The following RAB11FIP3 variants were observed in gnomAD, a reference collection of about 807,000 sequenced individuals.
RAB11FIP3 encodes rab11 family-interacting protein 3.
Under a neutral mutation model 77.8 loss-of-function variants are expected in RAB11FIP3, and 17 were observed. That is an observed-to-expected ratio of 0.22 (90% CI 0.15 to 0.33). The LOEUF (loss-of-function observed/expected upper bound fraction) is 0.33. RAB11FIP3 is among the 10% of genes least tolerant of loss of function. The pLI is 1.00. For synonymous variants in RAB11FIP3, 437 were observed against 448.2 expected, an observed-to-expected ratio of 0.98 and a Z score of 0.31; for missense variants, 1,005 against 1,011.2, an observed-to-expected ratio of 0.99 and a Z score of 0.08.
intron 5 of RAB11FIP3, among the ~76,000 whole-genome samples, chr16:493,303 T>G (rs930286173): frequency 1.3e-5 from 2 of 149,896 alleles, no homozygotes; most frequent in African/African-American, 4.9e-5. Flanking sequence ...TGCTATTCAA[T>G]TCAACACAAT....
Position 509,919 on chromosome 16 carries a change from G to A in RAB11FIP3, c.1500-741G>A, listed in dbSNP as rs1162106643. Among the ~76,000 whole-genome samples, 3 of 152,224 alleles carry A rather than the reference G, an allele frequency of 2.0e-5. No individual in the cohort carries two copies. In the East Asian group the frequency reaches 5.8e-4, roughly 29 times the overall value. ...TGTACTGCAGCTGAAGGCAGACTCC[G>A]CCAGCACACTCAGTTCTCTGGTGTT... On this transcript the variant is annotated intron_variant, in intron 8 of 13. Coordinates refer to ENST00000262305, the MANE Select transcript of RAB11FIP3 (RefSeq NM_014700.4).
rs2055818883 is a variant in RAB11FIP3, at chr16:472,031, C to T, written c.903+642C>T. 2.0e-5 allele frequency among the ~76,000 whole-genome samples: 3 copies of T among 152,166 alleles called. No homozygotes were observed. The highest frequency in any genetic ancestry group is 4.4e-5 in the Non-Finnish European group (3 of 68,018). ...CCGCCGGGAAGGTGGAGGTGGCAGC[C>T]GCCAGTCCTGGTCAGCCTGCTGCCG... On this transcript the variant is annotated intron_variant, in intron 3 of 13. Transcript: ENST00000262305. This position sits in a 1 kb window ranked among gnomAD's most constrained non-coding sequence, Gnocchi z 4.1.
At position 426,030 on chromosome 16, in the gene RAB11FIP3, G is replaced by A. The variant is rs1292728800; in HGVS notation, c.24G>A (p.Ser8=). 1 of 993,246 alleles carries A rather than the reference G, an allele frequency of 1.0e-6. No homozygotes were observed. Among genetic ancestry groups the A allele is most frequent in the Non-Finnish European group, 1.2e-6 (1 of 836,864 alleles). 61.5% of individuals were successfully genotyped at this position (993,246 alleles called of 1,614,324 possible). A position where few individuals can be genotyped will look rare whatever the true frequency, so the allele number is the denominator to read the frequency against. The change falls in exon 1 of 14, where the codon TCG becomes TCA. Residue 8 remains serine (S), a synonymous_variant. Transcript: ENST00000262305. This position sits in a 1 kb window ranked among gnomAD's most constrained non-coding sequence, Gnocchi z 5.0. ...GCATGGCGTCGGCCCCGCCGGCCTC[G>A]CCCCCGGGCTCGGAGCCGCCGGGGC... MASAPPA[S]PPGSEPPGPD...
chr16:432,600 T>TG (rs1218129449), intron 1 of RAB11FIP3, among the ~76,000 whole-genome samples: 1 of 143,952 alleles, frequency 6.9e-6, no homozygotes, highest in African/African-American at 2.7e-5. Flanking sequence ...TTTTTTTTTT[T>TG]TTTGTGTGTG....
At position 519,814 on chromosome 16, in the gene RAB11FIP3, G is replaced by A. The variant is rs1407498455; in HGVS notation, c.1783G>A (p.Glu595Lys). Residue 595 changes from glutamate (E) to lysine (K), a missense_variant, in exon 11 of 14, where the codon GAG becomes AAG. Physicochemically the swap from Glu to Lys is moderately conservative, Grantham distance 56. Transcript: ENST00000262305. ...GACGCTGCGGCTCAGTGAAGAGCAG[G>A]AGAACAAGAGGAGAATGGGGGACAG... ...SLTLRLSEEQ[E>K]NKRRMGDRLS... 4.4e-6 allele frequency: 7 copies of A among 1,607,652 alleles called. No individual in the cohort carries two copies. In the Admixed American group the frequency reaches 6.8e-5, roughly 16 times the overall value.
At chr16:490,946 G>A (rs905952635) in intron 5 of RAB11FIP3, among the ~76,000 whole-genome samples, 2 of 152,214 alleles carry the variant, frequency 1.3e-5, no homozygotes, top group African/African-American at 4.8e-5. Context: ...GGCTCCTGGA[G>A]GCAGCTGAGG....
At chr16:432,851 G>T (rs1428473037) in intron 1 of RAB11FIP3, among the ~76,000 whole-genome samples, 1 of 150,894 alleles carries the variant, frequency 6.6e-6, no homozygotes, top group Admixed American at 6.6e-5. Flanking sequence ...TGATCCACCC[G>T]CCTTGGCCTC....
rs2141768742 is a variant in RAB11FIP3 at position 489,164 on chromosome 16, A to G, written c.1265+164A>G. 3.4e-6 allele frequency: 3 copies of G among 882,882 alleles called. No individual in the cohort carries two copies. In the South Asian group the frequency reaches 5.7e-5, roughly 17 times the overall value. The allele number at this position is 882,882 out of a possible 1,614,324, so 54.7% of individuals were successfully genotyped here. A position where few individuals can be genotyped will look rare whatever the true frequency, so the allele number is the denominator to read the frequency against. ...ACATTTTAAATTTATACCTGGATTT[A>G]TGAAAGTTGGGAGAAGTCCCTCTTC... On this transcript the variant is annotated intron_variant, in intron 5 of 13. Coordinates refer to ENST00000262305, the MANE Select transcript of RAB11FIP3 (RefSeq NM_014700.4).
intron 12 of RAB11FIP3, 45 bp downstream of exon 12, chr16:520,322 T>C: frequency 6.4e-7 from 1 of 1,553,156 alleles, no homozygotes; most frequent in Non-Finnish European, 8.7e-7. Flanking sequence ...TGCAGAAGCT[T>C]CCACAAGACT....
rs1330795100 is a variant in RAB11FIP3, at chr16:514,099, T to C, written c.1640+3299T>C. ...GGGAGCAAGCAGGGCCCAGTGTCAC[T>C]GCCTCTTGTGAGCAAGCCGCCTGCC... On this transcript the variant is annotated intron_variant, in intron 9 of 13. Transcript: ENST00000262305. The surrounding 1 kb of genome is among the most constrained non-coding windows in gnomAD (Gnocchi z 4.6). 6.6e-6 allele frequency among the ~76,000 whole-genome samples: 1 copy of C among 152,216 alleles called. No homozygotes were observed. Among genetic ancestry groups the C allele is most frequent in the Non-Finnish European group, 1.5e-5 (1 of 68,032 alleles).
intron 1 of RAB11FIP3, among the ~76,000 whole-genome samples, chr16:455,266 G>T (rs1567366253): frequency 6.6e-6 from 1 of 151,732 alleles, no homozygotes; most frequent in Non-Finnish European, 1.5e-5. Context: ...GATCACCTGA[G>T]GTCAGGAGTT....
chr16:487,710 G>C (rs1345537855), intron 4 of RAB11FIP3, among the ~76,000 whole-genome samples: 1 of 152,164 alleles, frequency 6.6e-6, no homozygotes. Flanking sequence ...GGGACCGCTA[G>C]GGCACAGGAG....
intron 1 of RAB11FIP3, among the ~76,000 whole-genome samples, chr16:450,527 G>T (rs2055389841): frequency 6.6e-6 from 1 of 152,096 alleles, no homozygotes; most frequent in Non-Finnish European, 1.5e-5. Flanking sequence ...CTTTACTTCC[G>T]CTCAGGGGTC....
chr16:475,039 C>T, intron 3 of RAB11FIP3: 1 of 1,551,720 alleles, frequency 6.4e-7, no homozygotes, highest in Non-Finnish European at 8.7e-7. Flanking sequence ...GCATGCCCTT[C>T]CTGAAGGTGT....
At chr16:511,543 G>A (rs1435926736) in intron 9 of RAB11FIP3, among the ~76,000 whole-genome samples, 1 of 68,378 alleles carries the variant, frequency 1.5e-5, no homozygotes, top group African/African-American at 7.1e-5. Context: ...GAAGTTCCCC[G>A]ACGGCCCGCC....
In RAB11FIP3 at chr16:432,555, T is replaced by A. The variant is rs1050181098; in HGVS notation, c.714+5835T>A. 2.0e-5 allele frequency among the ~76,000 whole-genome samples: 3 copies of A among 151,800 alleles called. No individual in the cohort carries two copies. In the East Asian group the frequency reaches 5.8e-4, roughly 29 times the overall value. ...TTATAGATAAATGTTATAATTTGCATGCATGTTGCTTTGAATCTGCTTTTT... is the reference window on the plus strand; with the variant it reads ...TTATAGATAAATGTTATAATTTGCAAGCATGTTGCTTTGAATCTGCTTTTT... On this transcript the variant is annotated intron_variant, in intron 1 of 13. Transcript: ENST00000262305.
rs2031939178 is a variant in RAB11FIP3, at chr16:507,621, G to A, written c.1499+1994G>A. On this transcript the variant is annotated intron_variant, in intron 8 of 13. Coordinates refer to ENST00000262305, the MANE Select transcript of RAB11FIP3 (RefSeq NM_014700.4). The surrounding 1 kb of genome is among the most constrained non-coding windows in gnomAD (Gnocchi z 4.6). The stretch of plus-strand genomic sequence containing the variant: ...ATGTTCATCTGTTTTCCGTGTGTGT[G>A]GTGTGAAGTCCACACTGCCGCCTGG... Among the ~76,000 whole-genome samples the A allele has an allele frequency of 6.6e-6, 1 of 152,210 alleles. No homozygotes were observed. The highest frequency in any genetic ancestry group is 2.4e-5 in the African/African-American group (1 of 41,448).
At chr16:455,063 A>C (rs1487370224) in intron 1 of RAB11FIP3, among the ~76,000 whole-genome samples, 3 of 145,752 alleles carry the variant, frequency 2.1e-5, no homozygotes, top group Non-Finnish European at 4.5e-5. Context: ...AAAAAAAACA[A>C]AAAAACTAGG....
At position 454,570 on chromosome 16, in the gene RAB11FIP3, A is replaced by G. The variant is rs1418137350; in HGVS notation, c.715-6834A>G. Among the ~76,000 whole-genome samples the G allele has an allele frequency of 2.0e-5, 3 of 152,176 alleles. No individual in the cohort carries two copies. The East Asian group carries it at 5.8e-4, about 29-fold the overall frequency. On this transcript the variant is annotated intron_variant, in intron 1 of 13. Coordinates refer to ENST00000262305, the MANE Select transcript of RAB11FIP3 (RefSeq NM_014700.4). Reference sequence around the variant, plus strand: ...TCATATTGTATACCTCCTCAAAACCAAAACCAAAAAACCCCAAAAGCAAAA... The same window carrying G: ...TCATATTGTATACCTCCTCAAAACCGAAACCAAAAAACCCCAAAAGCAAAA...
Sources: gnomAD v4.1 joint callset for allele counts (sites outside exome capture counted in the v4.1 genomes callset) on GRCh38, gnomAD v4.1.1 for gene constraint, Gnocchi (gnomAD v3.1) non-coding constraint, MANE v1.5 for transcripts, NCBI Gene and HGNC (gene_info 2026-07-23, HGNC 2026-07-21) for gene names.